The following SUSD4 variants were observed in gnomAD, a reference collection of about 807,000 sequenced individuals.
SUSD4 encodes sushi domain containing 4, also known as sushi domain-containing protein 4.
A neutral mutation model predicts 50.5 loss-of-function variants in SUSD4; 41 were observed. The ratio of observed to expected loss-of-function variants is 0.81; its 90% CI spans 0.63 to 1.05. The LOEUF is 1.05. SUSD4 is among the 50% of genes least tolerant of loss of function. The pLI is 0.00. For missense variants in SUSD4, 580 were observed against 634.7 expected (o/e 0.91, Z 0.93); for synonymous variants, 257 against 257.3 (o/e 1.00, Z 0.01).
intron 2 of SUSD4, among the ~76,000 whole-genome samples, chr1:223,328,457 T>G (rs1300057219): frequency 6.6e-6 from 1 of 152,168 alleles, no homozygotes; most frequent in Non-Finnish European, 1.5e-5. Context: ...ATACACCTAT[T>G]CTGTTCTTGA....
At chr1:223,352,980 C>T (rs575178766) in intron 2 of SUSD4, among the ~76,000 whole-genome samples, 6 of 152,220 alleles carry the variant, frequency 3.9e-5, no homozygotes, top group African/African-American at 1.4e-4. Flanking sequence ...CTCCGGAGCA[C>T]CTATAACAAA....
rs851198 is a variant in SUSD4 at position 223,258,522 on chromosome 1, G to C, written c.724+6108C>G. ...GTGGGCTCTGAGATGAATGGGGCTG[G>C]GGGGAGTCACCTGGGGGCATTCTGG... is the stretch of plus-strand genomic sequence containing the variant. On this transcript the variant is annotated intron_variant, in intron 5 of 8. Transcript: ENST00000366878. Among the ~76,000 whole-genome samples, 3 of 151,824 alleles carry C rather than the reference G, an allele frequency of 2.0e-5. No homozygotes were observed. The East Asian group carries it at 5.8e-4, about 29-fold the overall frequency.
At position 223,332,880 on chromosome 1, in the gene SUSD4, T is replaced by C. The variant is rs1667252466; in HGVS notation, c.148+30398A>G. On this transcript the variant is annotated intron_variant, in intron 2 of 8. Coordinates refer to ENST00000366878, the MANE Select transcript of SUSD4 (RefSeq NM_017982.4). This position sits in a 1 kb window ranked among gnomAD's most constrained non-coding sequence, Gnocchi z 4.0. ...TCCTGGGAGTGCCTTGCAATGGCCA[T>C]CTTCCCATCTTCTACCATGTTCTTT... Among the ~76,000 whole-genome samples the C allele has an allele frequency of 2.0e-5, 3 of 152,200 alleles. No individual in the cohort carries two copies. Among genetic ancestry groups the C allele is most frequent in the African/African-American group, 7.2e-5 (3 of 41,536 alleles).
intron 5 of SUSD4, chr1:223,235,091 G>A (rs1461851151): frequency 1.3e-6 from 2 of 1,598,420 alleles, no homozygotes; most frequent in Non-Finnish European, 8.5e-7. Context: ...AAGATGTTCA[G>A]GTCTTCCTCC....
chr1:223,324,751 A>G (rs973220959), intron 2 of SUSD4, among the ~76,000 whole-genome samples: 1 of 151,596 alleles, frequency 6.6e-6, no homozygotes, highest in Non-Finnish European at 1.5e-5. Flanking sequence ...CACCCACAAC[A>G]GCACTTGGGA....
intron 3 of SUSD4, among the ~76,000 whole-genome samples, chr1:223,269,609 A>G (rs1230915431): frequency 1.3e-5 from 2 of 152,124 alleles, no homozygotes; most frequent in Non-Finnish European, 2.9e-5. Flanking sequence ...TTATGAGCAC[A>G]TGTCTGTTTA....
intron 3 of SUSD4, among the ~76,000 whole-genome samples, chr1:223,275,643 C>T (rs554492581): frequency 9.2e-5 from 14 of 152,272 alleles, no homozygotes; most frequent in Admixed American, 2.6e-4. Flanking sequence ...TGGTAAATTC[C>T]GATTCTTTGT....
chr1:223,254,552 A>C (rs948387601), intron 5 of SUSD4, among the ~76,000 whole-genome samples: 2 of 152,200 alleles, frequency 1.3e-5, no homozygotes, highest in Non-Finnish European at 2.9e-5. Context: ...TCATGTTGGG[A>C]ATCAGAAAAC....
intron 2 of SUSD4, among the ~76,000 whole-genome samples, chr1:223,308,963 G>A (rs909139648): frequency 6.6e-6 from 1 of 152,122 alleles, no homozygotes; most frequent in East Asian, 1.9e-4. Context: ...GAAACATAAA[G>A]GATTTACTTA....
In SUSD4 at chr1:223,283,532, T is replaced by C. The variant is rs575830625; in HGVS notation, c.361+8907A>G. On this transcript the variant is annotated intron_variant, in intron 3 of 8. Coordinates refer to ENST00000366878, the MANE Select transcript of SUSD4 (RefSeq NM_017982.4). ...AATGCAAATCAAAACCACAATGAGA[T>C]ACCATCTCACACCAGTTGGAATGGT... 4.3e-3 allele frequency among the ~76,000 whole-genome samples: 657 copies of C among 152,290 alleles called. 7 individuals carry two copies. Among genetic ancestry groups the C allele is most frequent in the African/African-American group, 0.015 (623 of 41,556 alleles).
chr1:223,364,260 G>C (rs1669187686), upstream of SUSD4: 1 of 149,054 alleles, frequency 6.7e-6, no homozygotes, highest in African/African-American at 2.4e-5. The surrounding 1 kb of genome is among the most constrained non-coding windows in gnomAD (Gnocchi z 4.5). Flanking sequence ...GGGGAGGACG[G>C]GAGCCCGGCC....
In SUSD4 at chr1:223,223,378, G is replaced by T. The variant is rs372946957; in HGVS notation, c.1315C>A (p.Leu439Met). ...GGAGGTGAATACAGACTTTGGAGCA[G>T]CTCAGAAGAGCCTGAGACGCTGTCA... The part of the protein sequence containing the change: ...TCDSVSGSSE[L>M]LQSLYSPPRC... Residue 439 changes from leucine (L) to methionine (M), a missense_variant, in exon 8 of 9, where the codon CTG (leucine) becomes ATG (methionine). Physicochemically the swap from Leu to Met is conservative, Grantham distance 15 (BLOSUM62 2). Coordinates refer to ENST00000366878, the MANE Select transcript of SUSD4 (RefSeq NM_017982.4). 22 of 1,613,690 alleles carry T rather than the reference G, an allele frequency of 1.4e-5. No individual in the cohort carries two copies. Among genetic ancestry groups the T allele is most frequent in the Non-Finnish European group, 1.7e-5 (20 of 1,179,878 alleles).
intron 3 of SUSD4, 67 bp from the exon 4 acceptor site, chr1:223,268,742 G>A (rs1037258100): frequency 6.0e-6 from 9 of 1,504,596 alleles, no homozygotes; most frequent in Admixed American, 5.7e-5. Context: ...ACAGCTTCAC[G>A]AGAAAGCTCT....
intron 2 of SUSD4, among the ~76,000 whole-genome samples, chr1:223,339,756 C>T (rs997479093): frequency 5.3e-5 from 8 of 152,200 alleles, no homozygotes; most frequent in African/African-American, 1.9e-4. Flanking sequence ...CATTCAGACA[C>T]CACTAACTCA....
chr1:223,249,750 A>G (rs1661178862), intron 5 of SUSD4, among the ~76,000 whole-genome samples: 1 of 152,236 alleles, frequency 6.6e-6, no homozygotes, highest in Non-Finnish European at 1.5e-5. Flanking sequence ...TTTTATCAGT[A>G]TTTCTTAGTG....
At chr1:223,257,220 C>T (rs1212379377) in intron 5 of SUSD4, among the ~76,000 whole-genome samples, 3 of 152,016 alleles carry the variant, frequency 2.0e-5, no homozygotes, top group Admixed American at 6.6e-5. Flanking sequence ...ATGTAGATGA[C>T]GGGCTGGGTG....
intron 5 of SUSD4, among the ~76,000 whole-genome samples, chr1:223,257,818 A>C (rs1020872661): frequency 2.0e-5 from 3 of 152,176 alleles, no homozygotes; most frequent in African/African-American, 7.2e-5. Flanking sequence ...TGGCAGGAGG[A>C]AGATAGGAAC....
chr1:223,253,957 G>C (rs1661511118), intron 5 of SUSD4, among the ~76,000 whole-genome samples: 1 of 152,208 alleles, frequency 6.6e-6, no homozygotes, highest in Non-Finnish European at 1.5e-5. Context: ...ACAAAATAAA[G>C]ACCTCAGCTT....
chr1:223,267,034 C>T (rs1430427866), intron 4 of SUSD4, among the ~76,000 whole-genome samples: 4 of 152,200 alleles, frequency 2.6e-5, no homozygotes, highest in African/African-American at 4.8e-5. Flanking sequence ...GGGCTTGCAT[C>T]GTTTAAAGAA....
Sources: gnomAD v4.1 joint callset for allele counts (sites outside exome capture counted in the v4.1 genomes callset) on GRCh38, gnomAD v4.1.1 for gene constraint, Gnocchi (gnomAD v3.1) non-coding constraint, MANE v1.5 for transcripts, NCBI Gene and HGNC (gene_info 2026-07-23, HGNC 2026-07-21) for gene names.